The following DPP6 variants were observed in gnomAD, a reference collection of about 807,000 sequenced individuals.
The protein encoded by DPP6 is dipeptidyl peptidase like 6.
DPP6 carries 69 observed loss-of-function variants against 122.6 expected under a neutral mutation model. The ratio of observed to expected loss-of-function variants is 0.56; its 90% CI spans 0.46 to 0.69. DPP6 has a LOEUF of 0.69. Ranked by LOEUF, DPP6 falls within the 30% of genes least tolerant of loss-of-function variation. The pLI, the probability that DPP6 is intolerant of heterozygous loss-of-function variation, is 0.00. For synonymous variants in DPP6, 418 were observed against 433.1 expected (o/e 0.97, Z 0.43); for missense variants, 928 against 1,116.9 (o/e 0.83, Z 2.41).
At chr7:154,022,463 G>A (rs1379829126) in intron 1 of DPP6, among the ~76,000 whole-genome samples, 1 of 152,182 alleles carries the variant, frequency 6.6e-6, no homozygotes, top group Non-Finnish European at 1.5e-5. Context: ...AAGATGTGAA[G>A]CATCATGGGA....
chr7:153,873,455 A>G, the DPP6 span, among the ~76,000 whole-genome samples: 22 of 152,242 alleles, frequency 1.4e-4, no homozygotes, highest in South Asian at 4.1e-4. Context: ...AAAATAGACA[A>G]TAATTCTACC....
At chr7:154,641,803 A>G (rs932428566) in intron 6 of DPP6, among the ~76,000 whole-genome samples, 1 of 152,196 alleles carries the variant, frequency 6.6e-6, no homozygotes, top group Admixed American at 6.5e-5. Context: ...AATGTTGGCA[A>G]TTAGGGGTCT....
chr7:154,047,047 T>C (rs1425463834), intron 1 of DPP6, among the ~76,000 whole-genome samples: 1 of 149,230 alleles, frequency 6.7e-6, no homozygotes, highest in African/African-American at 2.5e-5. Flanking sequence ...ACCCTATCTT[T>C]ATCCATTTTG....
intron 1 of DPP6, among the ~76,000 whole-genome samples, chr7:154,262,546 C>T (rs548829435): frequency 6.6e-6 from 1 of 151,874 alleles, no homozygotes; most frequent in East Asian, 1.9e-4. Context: ...CTTTCGGCCT[C>T]CAGAACTGTG....
At chr7:154,482,394 A>C (rs55946129) in intron 3 of DPP6, among the ~76,000 whole-genome samples, 56,049 of 152,084 alleles carry the variant, frequency 0.37, 11,020 homozygotes, top group Non-Finnish European at 0.44. Flanking sequence ...ACATGGTGCA[A>C]GCTTAGGCTG....
At chr7:153,855,072 A>T in the DPP6 span, among the ~76,000 whole-genome samples, 1 of 106,962 alleles carries the variant, frequency 9.3e-6, no homozygotes, top group Non-Finnish European at 1.8e-5. Flanking sequence ...GGAATATCAC[A>T]CTCTGGGGAC....
At chr7:153,935,858 C>G (rs1341709342) in intron 1 of DPP6, among the ~76,000 whole-genome samples, 1 of 152,236 alleles carries the variant, frequency 6.6e-6, no homozygotes, top group Non-Finnish European at 1.5e-5. Flanking sequence ...CCCTGATATT[C>G]TAAGGGCGGT....
intron 1 of DPP6, among the ~76,000 whole-genome samples, chr7:154,326,142 T>C (rs1012554322): frequency 6.6e-6 from 1 of 152,216 alleles, no homozygotes; most frequent in Non-Finnish European, 1.5e-5. Context: ...CAATTAACTC[T>C]TCAAAGACTT....
intron 1 of DPP6, among the ~76,000 whole-genome samples, chr7:154,227,215 G>GACACACACACACACACACACACACAC (rs1554495537): frequency 0.064 from 9,104 of 141,270 alleles, 463 homozygotes; most frequent in African/African-American, 0.11. Flanking sequence ...GAAAATGAGG[G>GACACACACACACACACACACACACAC]ACACACACAC....
Position 154,772,826 on chromosome 7 carries a change from GC to G in DPP6, c.1039-15del, listed in dbSNP as rs777106415. ...TATAAGGCTGCTTGTTCATGTCTCT[GC>G]CCCTTTTTAATCCCCAGGCTGGAAG... On this transcript the variant is annotated intron_variant, in intron 9 of 25. Transcript: ENST00000377770. 1 of 1,607,724 alleles carries G rather than the reference GC, an allele frequency of 6.2e-7. No individual in the cohort carries two copies. Among genetic ancestry groups the G allele is most frequent in the Non-Finnish European group, 8.5e-7 (1 of 1,177,332 alleles).
chr7:154,074,292 G>A (rs1187206133), intron 1 of DPP6, among the ~76,000 whole-genome samples: 1 of 151,968 alleles, frequency 6.6e-6, no homozygotes, highest in Non-Finnish European at 1.5e-5. Flanking sequence ...TGAGTTGTGA[G>A]TTTCTGCATA....
At chr7:153,972,901 AC>A (rs1437725970) in intron 1 of DPP6, among the ~76,000 whole-genome samples, 3 of 152,014 alleles carry the variant, frequency 2.0e-5, no homozygotes, top group Non-Finnish European at 4.4e-5. Context: ...CCACGTGAAG[AC>A]ATTTAGGAAT....
At chr7:154,648,223 G>T (rs1836627270) in intron 6 of DPP6, among the ~76,000 whole-genome samples, 2 of 150,882 alleles carry the variant, frequency 1.3e-5, no homozygotes, top group East Asian at 2.0e-4. Context: ...AGCCGAGATT[G>T]TGCCATTGCA....
At chr7:154,062,337 C>G (rs1158399436) in intron 1 of DPP6, among the ~76,000 whole-genome samples, 2 of 55,598 alleles carry the variant, frequency 3.6e-5, no homozygotes. Context: ...GGGAGGCACC[C>G]CCCGCGAGGG....
intron 1 of DPP6, among the ~76,000 whole-genome samples, chr7:154,377,047 A>T (rs1344136497): frequency 2.8e-4 from 42 of 152,100 alleles, no homozygotes; most frequent in Admixed American, 2.8e-3. Context: ...AAAAAACCTA[A>T]CAGTTGTTGA....
chr7:154,254,876 T>G (rs1285740941), intron 1 of DPP6, among the ~76,000 whole-genome samples: 1 of 152,128 alleles, frequency 6.6e-6, no homozygotes, highest in Non-Finnish European at 1.5e-5. Context: ...AATGAGCATG[T>G]TGAAAGCTAA....
At chr7:154,744,447 ATCC>A (rs952845969) in intron 8 of DPP6, among the ~76,000 whole-genome samples, 5 of 152,250 alleles carry the variant, frequency 3.3e-5, no homozygotes, top group African/African-American at 1.2e-4. Flanking sequence ...CGGGGAGCCG[ATCC>A]TCCTCCCTGG....
At chr7:154,536,976 T>C (rs1225526473) in intron 3 of DPP6, among the ~76,000 whole-genome samples, 1 of 152,160 alleles carries the variant, frequency 6.6e-6, no homozygotes, top group African/African-American at 2.4e-5. Flanking sequence ...TCAAAAGTGT[T>C]TCAGAAAATA....
At chr7:154,885,567 C>T (rs1248281254) in intron 21 of DPP6, 66 bp from the exon 22 acceptor site, 7 of 1,533,840 alleles carry the variant, frequency 4.6e-6, no homozygotes, top group Admixed American at 4.0e-5. Flanking sequence ...GTCTCCCTGC[C>T]CGAGGCTGCT....
Sources: allele counts gnomAD v4.1 joint callset (sites outside exome capture counted in the v4.1 genomes callset), GRCh38; gene constraint gnomAD v4.1.1; transcripts MANE v1.5; gene names NCBI Gene and HGNC (gene_info 2026-07-23, HGNC 2026-07-21).